Variants in USH2A observed in about 807,000 individuals in gnomAD.
The protein encoded by USH2A is usherin.
In USH2A, 443 loss-of-function variants were observed where a neutral mutation model predicts 538.9. That is an observed-to-expected ratio of 0.82 (90% CI 0.76 to 0.89). The LOEUF (loss-of-function observed/expected upper bound fraction) is 0.89. Ranked by LOEUF, USH2A falls within the 40% of genes least tolerant of loss-of-function variation. The pLI is 0.00. For missense variants in USH2A, 6,633 were observed against 6,324.8 expected, an observed-to-expected ratio of 1.05 and a Z score of -1.65; for synonymous variants, 2,413 against 2,273.5, an observed-to-expected ratio of 1.06 and a Z score of -1.75.
At chr1:216,014,151 T>C (rs1427933834) in intron 32 of USH2A, among the ~76,000 whole-genome samples, 2 of 151,786 alleles carry the variant, frequency 1.3e-5, no homozygotes, top group Non-Finnish European at 2.9e-5. Flanking sequence ...GGTGATCTGA[T>C]TGGGAAATTC....
chr1:216,053,928 C>T (rs147590109), intron 30 of USH2A, among the ~76,000 whole-genome samples: 12 of 152,194 alleles, frequency 7.9e-5, no homozygotes, highest in African/African-American at 2.4e-4. Context: ...AACTCATCAC[C>T]GTAGATAGGT....
chr1:216,275,542 T>C (rs543098141), intron 11 of USH2A, among the ~76,000 whole-genome samples: 23 of 152,252 alleles, frequency 1.5e-4, no homozygotes, highest in African/African-American at 4.1e-4. Flanking sequence ...CTTAATATGT[T>C]AGTTAATTGA....
At chr1:216,137,918 T>C (rs990945114) in intron 21 of USH2A, among the ~76,000 whole-genome samples, 2 of 152,196 alleles carry the variant, frequency 1.3e-5, no homozygotes, top group African/African-American at 4.8e-5. Context: ...TTTGCTAATA[T>C]GATTGTTTTA....
chr1:215,799,259 G>C (rs1662243810), intron 49 of USH2A, 134 bp from the exon 50 acceptor site: 1 of 1,128,136 alleles, frequency 8.9e-7, no homozygotes, highest in Admixed American at 2.1e-5. Context: ...ATATCATATT[G>C]GAGTTGCAAA....
intron 50 of USH2A, among the ~76,000 whole-genome samples, chr1:215,793,933 A>C (rs1235677580): frequency 5.3e-5 from 8 of 152,208 alleles, no homozygotes; most frequent in Non-Finnish European, 2.9e-5. Flanking sequence ...TTTCATACTA[A>C]GGGATATAAT....
chr1:215,803,419 G>A (rs1334187660), intron 49 of USH2A, among the ~76,000 whole-genome samples: 1 of 152,014 alleles, frequency 6.6e-6, no homozygotes, highest in Non-Finnish European at 1.5e-5. Flanking sequence ...TAAGCTGATA[G>A]GCAACTTCAG....
At chr1:215,890,936 C>A (rs562900606) in intron 40 of USH2A, among the ~76,000 whole-genome samples, 2 of 152,288 alleles carry the variant, frequency 1.3e-5, no homozygotes, top group East Asian at 1.9e-4. Flanking sequence ...GAGTAATATA[C>A]ACTTAAAAAT....
At position 216,073,455 on chromosome 1, in the gene USH2A, C is replaced by T. The variant is rs369665659; in HGVS notation, c.5573-155G>A. On this transcript the variant is annotated intron_variant, in intron 27 of 71. Coordinates refer to ENST00000307340, the MANE Select transcript of USH2A (RefSeq NM_206933.4). ...TTCCTTGGAAAACCTTTTATGCCTC[C>T]TACTTTTTAACAAGCTAATTTGTTG... 9.2e-5 allele frequency among the ~76,000 whole-genome samples: 14 copies of T among 152,248 alleles called. 1 individual carries two copies. Among genetic ancestry groups the T allele is most frequent in the South Asian group, 4.1e-4 (2 of 4,826 alleles).
At chr1:215,767,126 A>T (rs1661155818) in intron 55 of USH2A, among the ~76,000 whole-genome samples, 2 of 152,186 alleles carry the variant, frequency 1.3e-5, no homozygotes, top group African/African-American at 4.8e-5. Context: ...AGCCCATTAC[A>T]TCTTTAGAGA....
intron 51 of USH2A, 63 bp downstream of exon 51, chr1:215,789,996 T>G (rs928824817): frequency 2.0e-6 from 3 of 1,498,610 alleles, no homozygotes; most frequent in Non-Finnish European, 2.8e-6. Context: ...AAAATAGTTA[T>G]GAACAATGTA....
At chr1:216,177,666 C>T (rs2034416901) in intron 20 of USH2A, among the ~76,000 whole-genome samples, 1 of 152,172 alleles carries the variant, frequency 6.6e-6, no homozygotes. Context: ...TGGTGGGACA[C>T]TGGCAATTCT....
intron 14 of USH2A, among the ~76,000 whole-genome samples, chr1:216,218,877 T>G (rs2035396660): frequency 6.6e-6 from 1 of 152,208 alleles, no homozygotes; most frequent in Middle Eastern, 3.4e-3. Context: ...GATGCAAAAA[T>G]ACTTGATTTG....
intron 9 of USH2A, among the ~76,000 whole-genome samples, chr1:216,300,879 T>C (rs12043028): frequency 0.011 from 1,674 of 151,408 alleles, 28 homozygotes; most frequent in East Asian, 0.037. Flanking sequence ...CTCCCGAGTA[T>C]CTGGTACTAC....
At chr1:215,987,949 T>G (rs371149819) in intron 35 of USH2A, among the ~76,000 whole-genome samples, 1 of 149,290 alleles carries the variant, frequency 6.7e-6, no homozygotes, top group African/African-American at 2.5e-5. Flanking sequence ...AATTTTTTTT[T>G]GTTTTAAACT....
In USH2A at chr1:216,410,240, G is replaced by A. The variant is rs563561702; in HGVS notation, c.651+8274C>T. ...TGCAGAGAAAAAGGAATGCTTAATA[G>A]GCTGATGTTGGGAGTGTAAATTACT... On this transcript the variant is annotated intron_variant, in intron 3 of 71. Coordinates refer to ENST00000307340, the MANE Select transcript of USH2A (RefSeq NM_206933.4). Among the ~76,000 whole-genome samples, 4 of 152,152 alleles carry A rather than the reference G, an allele frequency of 2.6e-5. No homozygotes were observed. The East Asian group carries it at 7.7e-4, about 29-fold the overall frequency.
rs1657940238 is a variant in USH2A, at chr1:215,674,646, A to G, written c.13265T>C (p.Val4422Ala). 2 of 1,613,908 alleles carry G rather than the reference A, an allele frequency of 1.2e-6. No homozygotes were observed. The highest frequency in any genetic ancestry group is 1.3e-5 in the African/African-American group (1 of 74,876). ...TGTGCAACCTCCATTCGTGCAGGCT[A>G]CAAGGGAGAAGTTATACTGAGAGTA... ...QPYSQYNFSL[V>A]ACTNGGCTAS... The change falls in exon 63 of 72, where the codon GTA (valine) becomes GCA (alanine). Residue 4422 changes from valine (V) to alanine (A), a missense_variant. Transcript: ENST00000307340.
intron 32 of USH2A, among the ~76,000 whole-genome samples, chr1:216,029,996 TATATA>T (rs1287952053): frequency 6.8e-6 from 1 of 147,758 alleles, no homozygotes; most frequent in African/African-American, 2.5e-5. Context: ...ATATCATAGA[TATATA>T]ATATATGATA....
At chr1:216,305,757 C>T (rs1437654127) in intron 9 of USH2A, among the ~76,000 whole-genome samples, 1 of 151,936 alleles carries the variant, frequency 6.6e-6, no homozygotes, top group African/African-American at 2.4e-5. Flanking sequence ...TGTATTTTTC[C>T]TTCATTTAGG....
At chr1:216,117,828 A>G (rs926485394) in intron 21 of USH2A, among the ~76,000 whole-genome samples, 2 of 138,098 alleles carry the variant, frequency 1.4e-5, no homozygotes, top group Non-Finnish European at 3.1e-5. Flanking sequence ...ATATATATAC[A>G]CAGATATATA....
Sources: gnomAD v4.1 joint callset for allele counts (sites outside exome capture counted in the v4.1 genomes callset) on GRCh38, gnomAD v4.1.1 for gene constraint, MANE v1.5 for transcripts, NCBI Gene and HGNC (gene_info 2026-07-23, HGNC 2026-07-21) for gene names.